The following SMARCB1 variants were observed in gnomAD, a reference collection of about 807,000 sequenced individuals.
The protein encoded by SMARCB1 is SWI/SNF-related matrix-associated actin-dependent regulator of chromatin subfamily B member 1.
A neutral mutation model predicts 49.0 loss-of-function variants in SMARCB1; 5 were observed. The observed-to-expected ratio is 0.10, with a 90% CI of 0.05 to 0.21. The LOEUF (loss-of-function observed/expected upper bound fraction) is 0.21, where lower values mean the gene tolerates loss of function less well. Among genes scored for constraint, SMARCB1 ranks in the 10% least tolerant of loss-of-function variants. SMARCB1 has a pLI of 1.00. For missense variants in SMARCB1, 226 were observed against 509.2 expected, an observed-to-expected ratio of 0.44 and a Z score of 5.35; for synonymous variants, 201 against 200.1, an observed-to-expected ratio of 1.00 and a Z score of -0.04.
intron 5 of SMARCB1, chr22:23,816,168 C>T (rs962858470): frequency 1.2e-5 from 2 of 162,224 alleles, no homozygotes; most frequent in African/African-American, 4.8e-5. Flanking sequence ...ACTGAGAGGA[C>T]CTTGCTGAGG....
chr22:23,837,656 C>T lies in SMARCB1; in HGVS notation c.*3476C>T, dbSNP rs748285231. 6.2e-7 allele frequency: 1 copy of T among 1,611,492 alleles called. No individual in the cohort carries two copies. The highest frequency in any genetic ancestry group is 1.7e-5 in the Admixed American group (1 of 59,936). On this transcript the variant is annotated 3_prime_UTR_variant, in exon 9 of 9. Coordinates refer to ENST00000644036, the MANE Select transcript of SMARCB1 (RefSeq NM_003073.5). ...GGCGGACTAGATGTACCGGGAGGCT[C>T]ACCCAGCAGGTCCACGAGGATGGAG...
chr22:23,828,928 T>C (rs759876309), intron 7 of SMARCB1, among the ~76,000 whole-genome samples: 1 of 151,948 alleles, frequency 6.6e-6, no homozygotes, highest in Non-Finnish European at 1.5e-5. Flanking sequence ...GAGACAAGCA[T>C]GAAGGGGAAA....
rs2031023681 is a variant in SMARCB1, at chr22:23,836,069, G to A, written c.*1889G>A. On this transcript the variant is annotated 3_prime_UTR_variant, in exon 9 of 9. Coordinates refer to ENST00000644036, the MANE Select transcript of SMARCB1 (RefSeq NM_003073.5). ...AACAAGGAAAGCTGCCAGGTCAGAAGAGAAAAATGAGCCACAGGGGTCGGA... is the reference window on the plus strand; with the variant it reads ...AACAAGGAAAGCTGCCAGGTCAGAAAAGAAAAATGAGCCACAGGGGTCGGA... 7.1e-6 allele frequency: 7 copies of A among 985,406 alleles called. No homozygotes were observed. Among genetic ancestry groups the A allele is most frequent in the African/African-American group, 1.7e-5 (1 of 57,254 alleles). The allele number at this position is 985,406 out of a possible 1,614,324, so 61.0% of individuals were successfully genotyped here. A position where few individuals can be genotyped will look rare whatever the true frequency, so the allele number is the denominator to read the frequency against.
At chr22:23,801,415 A>G (rs899038161) in intron 4 of SMARCB1, 1 of 624,268 alleles carries the variant, frequency 1.6e-6, no homozygotes, top group Non-Finnish European at 3.0e-6. Context: ...GATGCCATCC[A>G]CGTGACTCCC....
chr22:23,794,796 C>T (rs1928635354), intron 3 of SMARCB1, among the ~76,000 whole-genome samples: 1 of 151,894 alleles, frequency 6.6e-6, no homozygotes, highest in Admixed American at 6.6e-5. Context: ...TACTCGGGAG[C>T]CTGAGGCAGG....
At position 23,793,516 on chromosome 22, in the gene SMARCB1, A is replaced by T. The variant is rs201689575; in HGVS notation, c.233-43A>T. 16,275 of 1,611,422 alleles carry T rather than the reference A, an allele frequency of 0.01. 115 individuals carry two copies. The highest frequency in any genetic ancestry group is 0.013 in the Middle Eastern group (80 of 6,058). ...TCCACTTGGCTGGCTGCTGTGTGCCACCGCCACCAGCAGAGTGACCCAGTG... is the reference window on the plus strand; with the variant it reads ...TCCACTTGGCTGGCTGCTGTGTGCCTCCGCCACCAGCAGAGTGACCCAGTG... On this transcript the variant is annotated intron_variant, in intron 2 of 8. Transcript: ENST00000644036.
rs2146026977 is a variant in SMARCB1, at chr22:23,825,336, T to C, written c.907T>C (p.Leu303=). ...FALKLCSELG[L]GGEFVTTIAY... The stretch of plus-strand genomic sequence containing the variant: ...CCTGAAGCTGTGCTCGGAGCTGGGG[T>C]TGGGCGGGGAGTTTGTCACCACCAT... Residue 303 remains leucine (L), a synonymous_variant, in exon 7 of 9, where the codon TTG becomes CTG. Coordinates refer to ENST00000644036, the MANE Select transcript of SMARCB1 (RefSeq NM_003073.5). The C allele has an allele frequency of 1.2e-6, 2 of 1,614,080 alleles. No individual in the cohort carries two copies. The highest frequency in any genetic ancestry group is 1.7e-6 in the Non-Finnish European group (2 of 1,179,940).
chr22:23,790,578 C>T (rs910443331), intron 1 of SMARCB1, among the ~76,000 whole-genome samples: 10 of 152,108 alleles, frequency 6.6e-5, no homozygotes, highest in Non-Finnish European at 1.2e-4. Context: ...GTATGTGGCT[C>T]ACACCCGTAA....
chr22:23,836,757 G>GTGGGCCCTTGCA lies in SMARCB1; in HGVS notation c.*2585_*2596dup, dbSNP rs1462666034. 7.9e-6 allele frequency: 11 copies of GTGGGCCCTTGCA among 1,391,576 alleles called. No individual in the cohort carries two copies. The highest frequency in any genetic ancestry group is 1.5e-5 in the African/African-American group (1 of 67,468). The allele number at this position is 1,391,576 out of a possible 1,614,324, so 86.2% of individuals were successfully genotyped here. On this transcript the variant is annotated 3_prime_UTR_variant, in exon 9 of 9. Transcript: ENST00000644036. ...ACTGCAGCTCATTCTGTTTATTCAG[G>GTGGGCCCTTGCA]TGGGCCCTTGCATGGGCCCAGCCTT...
intron 5 of SMARCB1, among the ~76,000 whole-genome samples, chr22:23,811,056 A>T (rs1929842367): frequency 6.7e-6 from 1 of 148,354 alleles, no homozygotes. Flanking sequence ...AAAAAAAAAG[A>T]TGGATAAAGA....
chr22:23,816,783 G>T lies in SMARCB1; in HGVS notation c.642G>T (p.Thr214=), dbSNP rs745315386. The part of the protein sequence containing the change: ...FTWNMNEKLM[T]PEMFSEILCD... ...TCCTGATTTCAGAGAAGTTGATGAC[G>T]CCTGAGATGTTTTCAGAAATCCTCT... The change falls in exon 6 of 9, where the codon ACG becomes ACT. Residue 214 remains threonine (T), a synonymous_variant. Coordinates refer to ENST00000644036, the MANE Select transcript of SMARCB1 (RefSeq NM_003073.5). The T allele has an allele frequency of 6.2e-7, 1 of 1,613,752 alleles. No homozygotes were observed. The highest frequency in any genetic ancestry group is 1.7e-5 in the Admixed American group (1 of 60,026).
chr22:23,837,501 G>A lies in SMARCB1; in HGVS notation c.*3321G>A. On this transcript the variant is annotated 3_prime_UTR_variant, in exon 9 of 9. Transcript: ENST00000644036. ...TTATGTGGGCCGGCTGGCTTGAGGG[G>A]CTGTAAGAGCACAGCAGCTGGGAGG... 1.3e-6 allele frequency: 1 copy of A among 781,568 alleles called. No homozygotes were observed. The highest frequency in any genetic ancestry group is 2.0e-6 in the Non-Finnish European group (1 of 495,014). 48.4% of individuals were successfully genotyped at this position (781,568 alleles called of 1,614,324 possible).
In SMARCB1 at chr22:23,837,940, C is replaced by G; in HGVS notation, c.*3760C>G. Reference sequence around the variant, plus strand: ...TTCCCAAGACCCTGGAATTCTTCCCCTCATCTCCCCTATGTGCTATTCCCT... The same window carrying G: ...TTCCCAAGACCCTGGAATTCTTCCCGTCATCTCCCCTATGTGCTATTCCCT... On this transcript the variant is annotated 3_prime_UTR_variant, in exon 9 of 9. Coordinates refer to ENST00000644036, the MANE Select transcript of SMARCB1 (RefSeq NM_003073.5). The G allele has an allele frequency of 8.0e-7, 1 of 1,253,412 alleles. No homozygotes were observed. The highest frequency in any genetic ancestry group is 1.1e-6 in the Non-Finnish European group (1 of 909,534). The allele number at this position is 1,253,412 out of a possible 1,614,324, so 77.6% of individuals were successfully genotyped here.
intron 5 of SMARCB1, among the ~76,000 whole-genome samples, chr22:23,811,331 C>T (rs1266989903): frequency 6.6e-6 from 1 of 152,122 alleles, no homozygotes; most frequent in Non-Finnish European, 1.5e-5. Context: ...CTCTCAACAA[C>T]CGATGGAACT....
At chr22:23,813,126 A>G (rs1033468341) in intron 5 of SMARCB1, among the ~76,000 whole-genome samples, 1 of 152,152 alleles carries the variant, frequency 6.6e-6, no homozygotes, top group Non-Finnish European at 1.5e-5. Context: ...CGGCCTCCCA[A>G]AGTGCTGGGA....
At position 23,835,126 on chromosome 22, in the gene SMARCB1, T is replaced by C; in HGVS notation, c.*946T>C. On this transcript the variant is annotated 3_prime_UTR_variant, in exon 9 of 9. Coordinates refer to ENST00000644036, the MANE Select transcript of SMARCB1 (RefSeq NM_003073.5). ...GAATATGGGAATAGCCCTCCCGGCC[T>C]GGTGCCAGCTCTTGGAGTTGACACG... is the stretch of plus-strand genomic sequence containing the variant. 1 of 1,369,140 alleles carries C rather than the reference T, an allele frequency of 7.3e-7. No individual in the cohort carries two copies. 84.8% of individuals were successfully genotyped at this position (1,369,140 alleles called of 1,614,324 possible).
chr22:23,827,834 C>T (rs1187252268), intron 7 of SMARCB1, among the ~76,000 whole-genome samples: 1 of 152,106 alleles, frequency 6.6e-6, no homozygotes, highest in Non-Finnish European at 1.5e-5. Flanking sequence ...ACTCGCGTTC[C>T]CCCCACTGTA....
At chr22:23,796,443 A>T (rs1431628168) in intron 3 of SMARCB1, among the ~76,000 whole-genome samples, 1 of 152,200 alleles carries the variant, frequency 6.6e-6, no homozygotes, top group Non-Finnish European at 1.5e-5. Flanking sequence ...TACCTTGTGC[A>T]TTCAGCTCTC....
At position 23,822,957 on chromosome 22, in the gene SMARCB1, C is replaced by CTTTTTTTTTT. The variant is rs58056758; in HGVS notation, c.796-2236_796-2227dup. ...TCTGTCAGTGCCCCCACCAGCATAGCTTTTTTTTTTTTTTTTTTTTTTTTT... is the reference window on the plus strand; with the variant it reads ...TCTGTCAGTGCCCCCACCAGCATAGCTTTTTTTTTTTTTTTTTTTTTTTTTTTTTTTTTTT... On this transcript the variant is annotated intron_variant, in intron 6 of 8. Transcript: ENST00000644036. Among the ~76,000 whole-genome samples the CTTTTTTTTTT allele has an allele frequency of 8.2e-5, 6 of 72,764 alleles. 1 individual carries two copies. The highest frequency in any genetic ancestry group is 1.1e-4 in the Non-Finnish European group (4 of 37,374). The allele number at this position is 72,764 out of a possible 152,430, so 47.7% of individuals were successfully genotyped here. A position where few individuals can be genotyped will look rare whatever the true frequency, so the allele number is the denominator to read the frequency against.
Sources: gnomAD v4.1 joint callset for allele counts (sites outside exome capture counted in the v4.1 genomes callset) on GRCh38, gnomAD v4.1.1 for gene constraint, MANE v1.5 for transcripts, NCBI Gene and HGNC (gene_info 2026-07-23, HGNC 2026-07-21) for gene names.